Variants in SORCS2 observed in about 807,000 individuals in gnomAD.
SORCS2 encodes sortilin related VPS10 domain containing receptor 2.
A neutral mutation model predicts 141.6 loss-of-function variants in SORCS2; 100 were observed. The ratio of observed to expected loss-of-function variants is 0.71; its 90% confidence interval spans 0.60 to 0.83. The LOEUF (loss-of-function observed/expected upper bound fraction) is 0.83, where lower values mean the gene tolerates loss of function less well. Among genes scored for constraint, SORCS2 ranks in the 40% least tolerant of loss-of-function variants. The pLI, the probability that SORCS2 is intolerant of heterozygous loss-of-function variation, is 0.00. For synonymous variants in SORCS2, 789 were observed against 676.9 expected, an observed-to-expected ratio of 1.17 and a Z score of -2.57; for missense variants, 1,646 against 1,560.2, an observed-to-expected ratio of 1.05 and a Z score of -0.93.
chr4:7,603,129 G>A (rs927445410), intron 3 of SORCS2, among the ~76,000 whole-genome samples: 8 of 151,800 alleles, frequency 5.3e-5, no homozygotes, highest in East Asian at 1.9e-4. Context: ...GCCTCCGCTC[G>A]GCATCAGAGG....
intron 8 of SORCS2, among the ~76,000 whole-genome samples, chr4:7,674,589 A>T (rs866654358): frequency 7.5e-4 from 109 of 145,842 alleles, no homozygotes; most frequent in African/African-American, 2.5e-3. Flanking sequence ...AAAAAAAAAA[A>T]AAAAAAAAAA....
chr4:7,707,597 C>T (rs1256170174), intron 14 of SORCS2, among the ~76,000 whole-genome samples: 1 of 152,242 alleles, frequency 6.6e-6, no homozygotes, highest in African/African-American at 2.4e-5. Context: ...GCCCTCACCC[C>T]TTCGAGGATC....
chr4:7,657,116 C>T (rs1279353946), intron 5 of SORCS2, among the ~76,000 whole-genome samples: 1 of 152,266 alleles, frequency 6.6e-6, no homozygotes, highest in Admixed American at 6.5e-5. Flanking sequence ...GGAGCAGGCA[C>T]CAGGCCTCAG....
intron 1 of SORCS2, among the ~76,000 whole-genome samples, chr4:7,276,010 T>C (rs150358848): frequency 3.3e-5 from 5 of 152,266 alleles, no homozygotes; most frequent in Non-Finnish European, 4.4e-5. Context: ...AACTTCGGGC[T>C]CAGTGGGGAG....
At chr4:7,366,584 T>C (rs1357804871) in intron 1 of SORCS2, among the ~76,000 whole-genome samples, 4 of 151,354 alleles carry the variant, frequency 2.6e-5, no homozygotes, top group South Asian at 4.2e-4. Flanking sequence ...GTTTCTGTCT[T>C]TGCACTGGCA....
chr4:7,491,415 C>T (rs548712600), intron 2 of SORCS2, among the ~76,000 whole-genome samples: 4 of 152,370 alleles, frequency 2.6e-5, no homozygotes, highest in African/African-American at 9.6e-5. Flanking sequence ...CCTGCATGAG[C>T]ATGCCCCTCT....
intron 1 of SORCS2, among the ~76,000 whole-genome samples, chr4:7,360,013 C>T (rs1353554279): frequency 5.9e-5 from 9 of 152,160 alleles, no homozygotes; most frequent in Admixed American, 3.3e-4. Flanking sequence ...AGAGCTTGCC[C>T]GGTAGCAGCC....
intron 1 of SORCS2, among the ~76,000 whole-genome samples, chr4:7,384,430 A>G (rs3905839): frequency 0.47 from 71,546 of 152,040 alleles, 17,713 homozygotes; most frequent in East Asian, 0.74. Flanking sequence ...CTGCCTGCCC[A>G]CAGTGCACCT....
intron 1 of SORCS2, among the ~76,000 whole-genome samples, chr4:7,340,964 C>T (rs184807721): frequency 6.6e-6 from 1 of 152,214 alleles, no homozygotes; most frequent in African/African-American, 2.4e-5. Context: ...TGCACCCATC[C>T]CTGCTGCATG....
At chr4:7,372,369 G>T (rs1189510733) in intron 1 of SORCS2, among the ~76,000 whole-genome samples, 2 of 152,224 alleles carry the variant, frequency 1.3e-5, no homozygotes, top group Middle Eastern at 3.4e-3. Flanking sequence ...GGCAGTGGCG[G>T]GATCTCAGCT....
intron 1 of SORCS2, among the ~76,000 whole-genome samples, chr4:7,231,533 CCATT>C (rs201111425): frequency 0.011 from 1,625 of 152,262 alleles, 23 homozygotes; most frequent in African/African-American, 0.037. Flanking sequence ...ATCCATCCAT[CCATT>C]CATCCATCCA....
At chr4:7,326,265 G>A (rs933356726) in intron 1 of SORCS2, among the ~76,000 whole-genome samples, 1 of 152,086 alleles carries the variant, frequency 6.6e-6, no homozygotes, top group Non-Finnish European at 1.5e-5. Flanking sequence ...GTGCTCAGCA[G>A]GGGTGTCAGG....
chr4:7,553,543 A>G (rs904805306), intron 3 of SORCS2, among the ~76,000 whole-genome samples: 9 of 152,216 alleles, frequency 5.9e-5, no homozygotes, highest in African/African-American at 1.9e-4. Flanking sequence ...CATGAACTGT[A>G]TGTCCAGGGA....
chr4:7,452,457 T>G (rs1728525027), intron 2 of SORCS2, among the ~76,000 whole-genome samples: 1 of 152,152 alleles, frequency 6.6e-6, no homozygotes, highest in Non-Finnish European at 1.5e-5. Context: ...GGTTCTTCTG[T>G]TCCCCCTCTT....
intron 5 of SORCS2, among the ~76,000 whole-genome samples, chr4:7,654,543 G>A (rs932707329): frequency 6.6e-6 from 1 of 152,194 alleles, no homozygotes; most frequent in Admixed American, 6.5e-5. Context: ...AGCATCCCCA[G>A]TGGAGAGAGG....
At chr4:7,232,442 T>C (rs898059922) in intron 1 of SORCS2, among the ~76,000 whole-genome samples, 1 of 152,178 alleles carries the variant, frequency 6.6e-6, no homozygotes, top group Non-Finnish European at 1.5e-5. Flanking sequence ...AGGCATGGTA[T>C]GCCAGCCTCA....
intron 3 of SORCS2, among the ~76,000 whole-genome samples, chr4:7,585,438 C>G (rs1044164040): frequency 2.0e-5 from 3 of 152,164 alleles, no homozygotes; most frequent in Non-Finnish European, 4.4e-5. Context: ...CAGGAGGTGA[C>G]CTGGTCCCCT....
intron 1 of SORCS2, among the ~76,000 whole-genome samples, chr4:7,309,409 C>T (rs894825010): frequency 1.3e-5 from 2 of 152,166 alleles, no homozygotes; most frequent in African/African-American, 2.4e-5. Context: ...CTATCTTTAG[C>T]AAGTGTGAGA....
intron 1 of SORCS2, among the ~76,000 whole-genome samples, chr4:7,349,447 C>T (rs1028662723): frequency 6.6e-6 from 1 of 152,056 alleles, no homozygotes; most frequent in African/African-American, 2.4e-5. Context: ...GTGTCCTGCG[C>T]CAGGCTGCCT....
Sources: gnomAD v4.1 joint callset for allele counts (sites outside exome capture counted in the v4.1 genomes callset) on GRCh38, gnomAD v4.1.1 for gene constraint, MANE v1.5 for transcripts, NCBI Gene and HGNC (gene_info 2026-07-23, HGNC 2026-07-21) for gene names.